PTCD2: variants seen among roughly 807,000 people sequenced by gnomAD.
The protein encoded by PTCD2 is pentatricopeptide repeat domain 2.
In PTCD2, 31 loss-of-function variants were observed where a neutral mutation model predicts 42.6. The ratio of observed to expected loss-of-function variants is 0.73; its 90% CI spans 0.55 to 0.98. The LOEUF (loss-of-function observed/expected upper bound fraction) is 0.98. Among genes scored for constraint, PTCD2 ranks in the 50% least tolerant of loss-of-function variants. PTCD2 has a pLI of 0.00. For missense variants in PTCD2, 476 were observed against 454.8 expected (o/e 1.05, Z -0.42); for synonymous variants, 183 against 170.9 (o/e 1.07, Z -0.55).
chr5:72,343,236 G>A (rs963739544), intron 8 of PTCD2, among the ~76,000 whole-genome samples, 200 bp downstream of exon 8: 17 of 152,144 alleles, frequency 1.1e-4, no homozygotes, highest in Admixed American at 6.5e-5. Flanking sequence ...CACAGCTGTC[G>A]CTTCCAGGAG....
intron 6 of PTCD2, among the ~76,000 whole-genome samples, chr5:72,336,872 A>C (rs1397507662): frequency 6.6e-6 from 1 of 152,178 alleles, no homozygotes; most frequent in East Asian, 1.9e-4. Context: ...AAACTTTGGA[A>C]ACCTGGCACA....
At position 72,365,606 on chromosome 5, in the gene PTCD2, G is replaced by A. The variant is rs953876311; in HGVS notation, c.*7179G>A. On this transcript the variant is annotated 3_prime_UTR_variant, in exon 10 of 10. Transcript: ENST00000380639. ...CCAGGGAGACTCATGTAGCCATGAA[G>A]ACTGAAGAGGATTAAGTTAACCTTC... 3.9e-5 allele frequency: 6 copies of A among 152,182 alleles called. No individual in the cohort carries two copies. The highest frequency in any genetic ancestry group is 1.4e-4 in the African/African-American group (6 of 41,442). The allele number at this position is 152,182 out of a possible 1,614,324, so 9.4% of individuals were successfully genotyped here. A position where few individuals can be genotyped will look rare whatever the true frequency, so the allele number is the denominator to read the frequency against.
intron 2 of PTCD2, among the ~76,000 whole-genome samples, chr5:72,325,630 T>C (rs1369569795): frequency 6.6e-6 from 1 of 152,214 alleles, no homozygotes; most frequent in Non-Finnish European, 1.5e-5. Context: ...TCAAACCTAG[T>C]AGGTCTTTTC....
intron 3 of PTCD2, among the ~76,000 whole-genome samples, chr5:72,330,410 C>T (rs1371572808): frequency 1.3e-5 from 2 of 152,118 alleles, no homozygotes; most frequent in African/African-American, 4.8e-5. Context: ...ATCAGCGCTT[C>T]TCCCCAAGGT....
At chr5:72,327,324 C>T (rs1751198244) in intron 3 of PTCD2, among the ~76,000 whole-genome samples, 1 of 152,184 alleles carries the variant, frequency 6.6e-6, no homozygotes, top group African/African-American at 2.4e-5. Context: ...TTAAAGTTTC[C>T]CATGTCAGAA....
In PTCD2 at chr5:72,364,560, AT is replaced by A. The variant is rs1383418705; in HGVS notation, c.*6135del. The A allele has an allele frequency of 6.6e-6, 1 of 152,232 alleles. No individual in the cohort carries two copies. The allele number at this position is 152,232 out of a possible 1,614,324, so 9.4% of individuals were successfully genotyped here. A position where few individuals can be genotyped will look rare whatever the true frequency, so the allele number is the denominator to read the frequency against. On this transcript the variant is annotated 3_prime_UTR_variant, in exon 10 of 10. Coordinates refer to ENST00000380639, the MANE Select transcript of PTCD2 (RefSeq NM_024754.5). ...TGACCCCAAGGTGCTTATGTAGCAT[AT>A]TATTTATACATCTAATGAGGTCTTA...
intron 4 of PTCD2, among the ~76,000 whole-genome samples, chr5:72,334,547 T>C (rs1751626495): frequency 1.2e-5 from 1 of 83,290 alleles, no homozygotes; most frequent in Admixed American, 9.3e-5. Context: ...TTTTAACTTT[T>C]TTCTTTTTTT....
intron 8 of PTCD2, among the ~76,000 whole-genome samples, chr5:72,351,453 G>A (rs1752616903): frequency 6.6e-6 from 1 of 152,194 alleles, no homozygotes; most frequent in Admixed American, 6.5e-5. Flanking sequence ...AGAAAACGCT[G>A]AAGGTACCAT....
In PTCD2 at chr5:72,368,169, C is replaced by T. The variant is rs1753243468; in HGVS notation, c.*9742C>T. ...GATGATTTAATGCTATTGAAATGTTCTTATATGCAAAACACCTAGATAGAT... is the reference window on the plus strand; with the variant it reads ...GATGATTTAATGCTATTGAAATGTTTTTATATGCAAAACACCTAGATAGAT... On this transcript the variant is annotated 3_prime_UTR_variant, in exon 10 of 10. Coordinates refer to ENST00000380639, the MANE Select transcript of PTCD2 (RefSeq NM_024754.5). The T allele has an allele frequency of 6.6e-6, 1 of 152,124 alleles. No individual in the cohort carries two copies. Among genetic ancestry groups the T allele is most frequent in the Non-Finnish European group, 1.5e-5 (1 of 68,032 alleles). 9.4% of individuals were successfully genotyped at this position (152,124 alleles called of 1,614,324 possible). A position where few individuals can be genotyped will look rare whatever the true frequency, so the allele number is the denominator to read the frequency against.
rs774578903 is a variant in PTCD2, at chr5:72,360,673, T to G, written c.*2246T>G. ...TAGTTTGCCTACATCATTTACTTGTTTTTTTCTGCTTTGGGGTTTTTTTTT... is the reference window on the plus strand; with the variant it reads ...TAGTTTGCCTACATCATTTACTTGTGTTTTTCTGCTTTGGGGTTTTTTTTT... On this transcript the variant is annotated 3_prime_UTR_variant, in exon 10 of 10. Transcript: ENST00000380639. The G allele has an allele frequency of 6.6e-6, 1 of 152,056 alleles. No homozygotes were observed. The highest frequency in any genetic ancestry group is 2.4e-5 in the African/African-American group (1 of 41,434). 9.4% of individuals were successfully genotyped at this position (152,056 alleles called of 1,614,324 possible). A position where few individuals can be genotyped will look rare whatever the true frequency, so the allele number is the denominator to read the frequency against.
At position 72,352,762 on chromosome 5, in the gene PTCD2, T is replaced by C. The variant is rs773240489; in HGVS notation, c.942+8T>C. The C allele has an allele frequency of 7.8e-7, 1 of 1,290,316 alleles. No individual in the cohort carries two copies. The allele number at this position is 1,290,316 out of a possible 1,614,324, so 79.9% of individuals were successfully genotyped here. ...GTGTTCTCGGAGGAAGTGGTGAGTA[T>C]GCAAGTGCTGCAGAAATCATTTAAA... On this transcript the variant is annotated splice_region_variant and intron_variant, in intron 9 of 9. Coordinates refer to ENST00000380639, the MANE Select transcript of PTCD2 (RefSeq NM_024754.5).
chr5:72,330,720 A>C (rs987057974), intron 3 of PTCD2, among the ~76,000 whole-genome samples: 1 of 152,210 alleles, frequency 6.6e-6, no homozygotes, highest in African/African-American at 2.4e-5. Context: ...AACCACATTT[A>C]ATTTGTTTAG....
intron 3 of PTCD2, among the ~76,000 whole-genome samples, chr5:72,327,221 T>A (rs574708910): frequency 6.6e-6 from 1 of 152,270 alleles, no homozygotes; most frequent in Non-Finnish European, 1.5e-5. Context: ...GTTAGCAGTG[T>A]CTTAGTTCAC....
chr5:72,321,553 G>T (rs1461013826), intron 1 of PTCD2, among the ~76,000 whole-genome samples: 1 of 152,160 alleles, frequency 6.6e-6, no homozygotes, highest in East Asian at 1.9e-4. Flanking sequence ...TGATTCTTCG[G>T]CCACGCTTGG....
At chr5:72,345,087 G>A (rs182229816) in intron 8 of PTCD2, among the ~76,000 whole-genome samples, 35 of 152,270 alleles carry the variant, frequency 2.3e-4, no homozygotes, top group African/African-American at 6.3e-4. Flanking sequence ...GGAGCGCTAC[G>A]GGAGACTGGG....
rs1268175469 is a variant in PTCD2 at position 72,363,717 on chromosome 5, A to G, written c.*5290A>G. On this transcript the variant is annotated 3_prime_UTR_variant, in exon 10 of 10. Transcript: ENST00000380639. The stretch of plus-strand genomic sequence containing the variant: ...ATTCTCTCTTGCTGACCCCAAGCCC[A>G]CCAATGAATTAATTGAATCAAGAGT... The G allele has an allele frequency of 2.6e-5, 4 of 152,246 alleles. No individual in the cohort carries two copies. Among genetic ancestry groups the G allele is most frequent in the Non-Finnish European group, 5.9e-5 (4 of 68,052 alleles). 9.4% of individuals were successfully genotyped at this position (152,246 alleles called of 1,614,324 possible). A position where few individuals can be genotyped will look rare whatever the true frequency, so the allele number is the denominator to read the frequency against.
intron 8 of PTCD2, among the ~76,000 whole-genome samples, chr5:72,351,427 G>A (rs1034578971): frequency 6.6e-6 from 1 of 152,162 alleles, no homozygotes; most frequent in African/African-American, 2.4e-5. Flanking sequence ...CTGTGTGCCT[G>A]CAACTTCCTA....
chr5:72,330,513 G>C (rs981034215), intron 3 of PTCD2, among the ~76,000 whole-genome samples: 2 of 152,108 alleles, frequency 1.3e-5, no homozygotes, highest in Non-Finnish European at 2.9e-5. Context: ...TCTGATTTAT[G>C]TGTAATCATG....
chr5:72,334,536 A>G (rs1751625595), intron 4 of PTCD2, among the ~76,000 whole-genome samples: 1 of 142,772 alleles, frequency 7.0e-6, no homozygotes, highest in South Asian at 2.2e-4. Flanking sequence ...AGTGGACAGC[A>G]TTTTAACTTT....
Sources: allele counts gnomAD v4.1 joint callset (sites outside exome capture counted in the v4.1 genomes callset), GRCh38; gene constraint gnomAD v4.1.1; transcripts MANE v1.5; gene names NCBI Gene and HGNC (gene_info 2026-07-23, HGNC 2026-07-21).